The following SIK3 variants were observed in gnomAD, a reference collection of about 807,000 sequenced individuals.
SIK3 encodes the protein serine/threonine-protein kinase SIK3.
A neutral mutation model predicts 144.2 loss-of-function variants in SIK3; 28 were observed. The observed-to-expected ratio is 0.19, with a 90% CI of 0.14 to 0.27. The LOEUF is 0.27. Among genes scored for constraint, SIK3 ranks in the 10% least tolerant of loss-of-function variants. The pLI is 1.00. For missense variants in SIK3, 1,319 were observed against 1,776.0 expected, an observed-to-expected ratio of 0.74 and a Z score of 4.62; for synonymous variants, 686 against 676.3, an observed-to-expected ratio of 1.01 and a Z score of -0.22.
chr11:116,887,547 G>T (rs536710123), intron 6 of SIK3, among the ~76,000 whole-genome samples: 3 of 151,754 alleles, frequency 2.0e-5, no homozygotes, highest in Admixed American at 2.0e-4. Context: ...AACCCAGGAG[G>T]CGGAAGTTGC....
At chr11:117,053,728 C>A (rs1302394551) in intron 1 of SIK3, among the ~76,000 whole-genome samples, 1 of 151,408 alleles carries the variant, frequency 6.6e-6, no homozygotes, top group African/African-American at 2.4e-5. Flanking sequence ...CTCACTGCAG[C>A]CTCAAACTCC....
At chr11:116,888,369 A>G (rs554555518) in intron 6 of SIK3, among the ~76,000 whole-genome samples, 19 of 152,306 alleles carry the variant, frequency 1.2e-4, no homozygotes, top group Admixed American at 9.2e-4. Flanking sequence ...CCTCCATCAG[A>G]AGACTATGCT....
intron 1 of SIK3, among the ~76,000 whole-genome samples, chr11:117,088,253 A>C (rs1955101663): frequency 6.6e-6 from 1 of 151,972 alleles, no homozygotes. Context: ...TATAAAAACA[A>C]AAAACAAAAA....
At chr11:117,039,853 T>C (rs960428061) in intron 1 of SIK3, among the ~76,000 whole-genome samples, 3 of 152,154 alleles carry the variant, frequency 2.0e-5, no homozygotes, top group Non-Finnish European at 4.4e-5. Flanking sequence ...TGCTAATAAA[T>C]GAAGAAGCTG....
At chr11:117,040,902 T>G (rs904419597) in intron 1 of SIK3, among the ~76,000 whole-genome samples, 1 of 151,580 alleles carries the variant, frequency 6.6e-6, no homozygotes, top group Admixed American at 6.6e-5. Context: ...ATGGTTACTA[T>G]AGTCAAGCAA....
chr11:116,952,918 C>A (rs1948996016), intron 3 of SIK3, among the ~76,000 whole-genome samples: 1 of 152,176 alleles, frequency 6.6e-6, no homozygotes, highest in African/African-American at 2.4e-5. Context: ...TATCCCCTCC[C>A]ATACTATATT....
intron 1 of SIK3, among the ~76,000 whole-genome samples, chr11:116,965,864 G>A (rs1246286506): frequency 6.8e-6 from 1 of 147,274 alleles, no homozygotes; most frequent in Non-Finnish European, 1.5e-5. Flanking sequence ...GAACCTGGGA[G>A]GTGGAGGTTG....
intron 3 of SIK3, among the ~76,000 whole-genome samples, chr11:116,932,287 T>C (rs921751428): frequency 6.6e-6 from 1 of 152,240 alleles, no homozygotes; most frequent in Admixed American, 6.5e-5. Flanking sequence ...TATTTTGAGA[T>C]AATTATAGAT....
intron 13 of SIK3, among the ~76,000 whole-genome samples, chr11:116,872,977 G>A (rs1944043614): frequency 6.6e-6 from 1 of 152,222 alleles, no homozygotes; most frequent in Admixed American, 6.5e-5. Context: ...ATGTGACTAA[G>A]ATAACTGACT....
intron 4 of SIK3, among the ~76,000 whole-genome samples, chr11:116,899,331 A>T (rs1489868358): frequency 2.6e-5 from 4 of 151,514 alleles, no homozygotes; most frequent in South Asian, 4.2e-4. Context: ...ATTGATCTAT[A>T]TCTCTGTTTT....
chr11:116,895,946 T>A (rs1156587252), intron 6 of SIK3, among the ~76,000 whole-genome samples: 1 of 152,220 alleles, frequency 6.6e-6, no homozygotes, highest in Non-Finnish European at 1.5e-5. Flanking sequence ...AGTCTTCACA[T>A]ACATTATCTC....
intron 1 of SIK3, among the ~76,000 whole-genome samples, chr11:117,047,572 G>A (rs1430591868): frequency 6.6e-6 from 1 of 152,164 alleles, no homozygotes; most frequent in Non-Finnish European, 1.5e-5. Context: ...TCTTAGACAT[G>A]TCCTCCAGTT....
chr11:117,066,050 CTTTA>C (rs1047842711), intron 1 of SIK3, among the ~76,000 whole-genome samples: 3 of 150,680 alleles, frequency 2.0e-5, no homozygotes, highest in African/African-American at 7.3e-5. Context: ...CACTAGAATA[CTTTA>C]TTTTTCTTTT....
At chr11:116,960,470 G>A (rs1349091337) in intron 1 of SIK3, among the ~76,000 whole-genome samples, 1 of 152,154 alleles carries the variant, frequency 6.6e-6, no homozygotes, top group Non-Finnish European at 1.5e-5. Context: ...GAAGTGAGCC[G>A]TGATCACGCC....
At chr11:116,874,481 C>A (rs1269847551) in intron 11 of SIK3, among the ~76,000 whole-genome samples, 1 of 152,220 alleles carries the variant, frequency 6.6e-6, no homozygotes, top group Non-Finnish European at 1.5e-5. Flanking sequence ...CAGATAAGTA[C>A]TAGATGTACA....
chr11:116,880,941 T>C (rs1314816696), intron 6 of SIK3, among the ~76,000 whole-genome samples: 3 of 151,988 alleles, frequency 2.0e-5, no homozygotes, highest in Non-Finnish European at 1.5e-5. Flanking sequence ...CTGGCCAACA[T>C]GGTAAAACCC....
chr11:116,916,411 C>G (rs916690956), intron 4 of SIK3, among the ~76,000 whole-genome samples: 14 of 152,096 alleles, frequency 9.2e-5, no homozygotes, highest in African/African-American at 3.4e-4. Context: ...ATAATGGGGA[C>G]CTTTACTAAT....
intron 1 of SIK3, among the ~76,000 whole-genome samples, chr11:117,060,522 G>A (rs780598513): frequency 1.3e-5 from 2 of 150,990 alleles, no homozygotes; most frequent in African/African-American, 2.4e-5. Flanking sequence ...GCTTGAACCC[G>A]AGAGGCAGAG....
intron 1 of SIK3, among the ~76,000 whole-genome samples, chr11:117,043,880 T>TGCAGTACCTG (rs1952848567): frequency 6.6e-6 from 1 of 152,244 alleles, no homozygotes; most frequent in Non-Finnish European, 1.5e-5. Flanking sequence ...TAACATTTAG[T>TGCAGTACCTG]GCAGTACCTG....
Sources: gnomAD v4.1 joint callset for allele counts (sites outside exome capture counted in the v4.1 genomes callset) on GRCh38, gnomAD v4.1.1 for gene constraint, MANE v1.5 for transcripts, NCBI Gene and HGNC (gene_info 2026-07-23, HGNC 2026-07-21) for gene names.